The following SZT2 variants were observed in gnomAD, a reference collection of about 807,000 sequenced individuals.
SZT2 encodes the protein KICSTOR complex protein SZT2.
Under a neutral mutation model 404.2 loss-of-function variants are expected in SZT2, and 216 were observed. That is an observed-to-expected ratio of 0.53 (90% CI 0.48 to 0.60). SZT2 has a LOEUF of 0.60. Among genes scored for constraint, SZT2 ranks in the 20% least tolerant of loss-of-function variants. The pLI is 0.00. For synonymous variants in SZT2, 1,693 were observed against 1,749.9 expected, an observed-to-expected ratio of 0.97 and a Z score of 0.81; for missense variants, 3,857 against 4,459.2, an observed-to-expected ratio of 0.86 and a Z score of 3.85.
At chr1:43,436,150 C>T (rs1177796359) in intron 42 of SZT2, 1 of 152,214 alleles carries the variant, frequency 6.6e-6, no homozygotes, top group Non-Finnish European at 1.5e-5. Flanking sequence ...AGAGGAAAAG[C>T]TGAACCATAA....
At position 43,453,345 on chromosome 1, in the gene SZT2, G is replaced by T; in HGVS notation, c.*2865G>T. The T allele has an allele frequency of 7.5e-7, 1 of 1,329,392 alleles. No individual in the cohort carries two copies. The highest frequency in any genetic ancestry group is 1.0e-6 in the Non-Finnish European group (1 of 961,078). 82.3% of individuals were successfully genotyped at this position (1,329,392 alleles called of 1,614,324 possible). A position where few individuals can be genotyped will look rare whatever the true frequency, so the allele number is the denominator to read the frequency against. Reference sequence around the variant, plus strand: ...CTCGACTCCCTGAACCTGCATCAGGGTCATGGGTCACAGGGGTGGGGGTGG... The same window carrying T: ...CTCGACTCCCTGAACCTGCATCAGGTTCATGGGTCACAGGGGTGGGGGTGG... On this transcript the variant is annotated 3_prime_UTR_variant, in exon 72 of 72. Coordinates refer to ENST00000634258, the MANE Select transcript of SZT2 (RefSeq NM_001365999.1).
chr1:43,437,930 T>C lies in SZT2; in HGVS notation c.6508+28T>C. ...AAGGTCTGAGGAGGGGGTAGGGGAG[T>C]CGCCACATGAGGTTCCAGAATCCTC... On this transcript the variant is annotated intron_variant, in intron 46 of 71. Transcript: ENST00000634258. The surrounding 1 kb of genome is among the most constrained non-coding windows in gnomAD (Gnocchi z 5.3). 1 of 1,608,720 alleles carries C rather than the reference T, an allele frequency of 6.2e-7. No individual in the cohort carries two copies. Among genetic ancestry groups the C allele is most frequent in the Non-Finnish European group, 8.5e-7 (1 of 1,175,824 alleles).
At chr1:43,432,859 A>G in intron 39 of SZT2, 60 bp downstream of exon 39, 1 of 1,603,690 alleles carries the variant, frequency 6.2e-7, no homozygotes, top group South Asian at 1.1e-5. Context: ...TTAGGGCTGT[A>G]CTGGGAAAGG....
chr1:43,425,779 C>G lies in SZT2; in HGVS notation c.2815-56C>G. On this transcript the variant is annotated intron_variant, in intron 19 of 71. Coordinates refer to ENST00000634258, the MANE Select transcript of SZT2 (RefSeq NM_001365999.1). This position sits in a 1 kb window ranked among gnomAD's most constrained non-coding sequence, Gnocchi z 4.3. ...TGAAGCTTCCTGAAGAGCTGGAACC[C>G]AGGGTATCCTGGGCTAAGAGGGGTT... is the stretch of plus-strand genomic sequence containing the variant. 1 of 1,597,422 alleles carries G rather than the reference C, an allele frequency of 6.3e-7. No individual in the cohort carries two copies. Among genetic ancestry groups the G allele is most frequent in the Non-Finnish European group, 8.6e-7 (1 of 1,166,808 alleles).
rs368105939 is a variant in SZT2 at position 43,427,510 on chromosome 1, G to A, written c.3599-20G>A. On this transcript the variant is annotated intron_variant, in intron 25 of 71. Coordinates refer to ENST00000634258, the MANE Select transcript of SZT2 (RefSeq NM_001365999.1). ...GAAACAGATAGAGCTGGAAGACCAC[G>A]TGACACCTTTTCTTCACAGACAATG... 17 of 1,613,984 alleles carry A rather than the reference G, an allele frequency of 1.1e-5. No homozygotes were observed. The highest frequency in any genetic ancestry group is 4.5e-5 in the East Asian group (2 of 44,894).
intron 35 of SZT2, 41 bp downstream of exon 35, chr1:43,431,564 C>T (rs989931582): frequency 1.2e-6 from 2 of 1,612,476 alleles, no homozygotes; most frequent in Non-Finnish European, 1.7e-6. Context: ...ATTCCCTTTC[C>T]ATCGTATGAG....
Position 43,450,258 on chromosome 1 carries a change from C to T in SZT2, c.10156-79C>T, listed in dbSNP as rs1656231631. 13 of 1,613,462 alleles carry T rather than the reference C, an allele frequency of 8.1e-6. No homozygotes were observed. In the East Asian group the frequency reaches 2.7e-4, roughly 33 times the overall value. ...CTCGGAGCCTGCTGAGGTTGGGGTG[C>T]CCACCCTTTCTGAGCCCTGCCTCCT... On this transcript the variant is annotated intron_variant, in intron 71 of 71. Transcript: ENST00000634258. This position sits in a 1 kb window ranked among gnomAD's most constrained non-coding sequence, Gnocchi z 4.3.
chr1:43,426,159 A>G lies in SZT2; in HGVS notation c.3043+8A>G. Reference sequence around the variant, plus strand: ...TCCTCTTGCTTGCCAGAGGTAGGTGAACCTGGTACCCTTTCACCCCACACC... The same window carrying G: ...TCCTCTTGCTTGCCAGAGGTAGGTGGACCTGGTACCCTTTCACCCCACACC... On this transcript the variant is annotated splice_region_variant and intron_variant, in intron 21 of 71. Coordinates refer to ENST00000634258, the MANE Select transcript of SZT2 (RefSeq NM_001365999.1). The surrounding 1 kb of genome is among the most constrained non-coding windows in gnomAD (Gnocchi z 4.9). The G allele has an allele frequency of 6.2e-7, 1 of 1,613,658 alleles. No individual in the cohort carries two copies. The highest frequency in any genetic ancestry group is 8.5e-7 in the Non-Finnish European group (1 of 1,179,682).
chr1:43,420,009 G>C lies in SZT2; in HGVS notation c.1090+65G>C. On this transcript the variant is annotated intron_variant, in intron 8 of 71. Transcript: ENST00000634258. The surrounding 1 kb of genome is among the most constrained non-coding windows in gnomAD (Gnocchi z 5.1). ...ATAGAATGGGCCCAGAGATGATGGG[G>C]CCCTGGAGGACTGAAAGTGTAACTG... 6.3e-7 allele frequency: 1 copy of C among 1,578,560 alleles called. No homozygotes were observed. The highest frequency in any genetic ancestry group is 8.6e-7 in the Non-Finnish European group (1 of 1,164,596).
intron 10 of SZT2, 70 bp downstream of exon 10, chr1:43,421,053 G>T (rs1652298076): frequency 6.3e-7 from 1 of 1,593,552 alleles, no homozygotes; most frequent in African/African-American, 1.3e-5. Flanking sequence ...GCAAAGGCGG[G>T]AGCTGGGGAG....
intron 7 of SZT2, among the ~76,000 whole-genome samples, chr1:43,418,178 C>T (rs1651922919): frequency 6.6e-6 from 1 of 152,060 alleles, no homozygotes; most frequent in South Asian, 2.1e-4. Context: ...AGAAATTTGG[C>T]TGTTGAGATA....
At position 43,439,828 on chromosome 1, in the gene SZT2, G is replaced by T; in HGVS notation, c.7043-53G>T. 6.4e-7 allele frequency: 1 copy of T among 1,562,526 alleles called. No homozygotes were observed. Among genetic ancestry groups the T allele is most frequent in the Non-Finnish European group, 8.7e-7 (1 of 1,152,574 alleles). On this transcript the variant is annotated intron_variant, in intron 50 of 71. Coordinates refer to ENST00000634258, the MANE Select transcript of SZT2 (RefSeq NM_001365999.1). This position sits in a 1 kb window ranked among gnomAD's most constrained non-coding sequence, Gnocchi z 4.2. ...GTTATTGCTGTGGGAGGTAAGGGTG[G>T]TGAGTAGAGTGGGATCTAGGGACAC...
chr1:43,433,067 G>A lies in SZT2; in HGVS notation c.5681G>A (p.Arg1894Gln), dbSNP rs144742948. ...GGTGAGAAGGCCCCCTTCACATTGC[G>A]GACTCCACCTGGGCCAGCACCTCCA... ...TLGEKAPFTLRTPPGPAPPQP... is the reference protein window; with the variant it reads ...TLGEKAPFTLQTPPGPAPPQP... Residue 1894 changes from arginine to glutamine, a missense_variant, in exon 40 of 72, where the codon CGG becomes CAG. This residue lies in a region of SZT2 where 1,725 missense variants were observed against 1,881.0 expected (regional missense o/e 0.92). Transcript: ENST00000634258. The A allele has an allele frequency of 9.9e-6, 16 of 1,614,004 alleles. No homozygotes were observed. The highest frequency in any genetic ancestry group is 2.7e-5 in the African/African-American group (2 of 74,896).
Position 43,422,538 on chromosome 1 carries a change from T to A in SZT2, c.1828T>A (p.Cys610Ser), listed in dbSNP as rs759656284. The change falls in exon 13 of 72, where the codon TGC becomes AGC. Residue 610 changes from cysteine to serine, a missense_variant. By Grantham distance (112) the Cys-to-Ser change is moderately radical. Transcript: ENST00000634258. Reference protein sequence around the residue: ...GSNGRYSTIQCRISHSSLTSL... With the variant: ...GSNGRYSTIQSRISHSSLTSL... Reference sequence around the variant, plus strand: ...CAATGGGCGCTACAGCACTATCCAGTGCAGGATCTCCCACTCCTCCCTGAC... The same window carrying A: ...CAATGGGCGCTACAGCACTATCCAGAGCAGGATCTCCCACTCCTCCCTGAC... 3.1e-6 allele frequency: 5 copies of A among 1,598,164 alleles called. No homozygotes were observed. Among genetic ancestry groups the A allele is most frequent in the Non-Finnish European group, 4.2e-6 (5 of 1,179,684 alleles).
At chr1:43,403,052 C>T (rs1570562898) in intron 1 of SZT2, 125 bp from the exon 2 acceptor site, 2 of 1,046,018 alleles carry the variant, frequency 1.9e-6, no homozygotes, top group Non-Finnish European at 2.8e-6. Flanking sequence ...GTAAACTTTT[C>T]ACTTCTGCTG....
chr1:43,403,806 A>G (rs1285825461), intron 3 of SZT2, 32 bp downstream of exon 3: 2 of 1,607,776 alleles, frequency 1.2e-6, no homozygotes, highest in East Asian at 4.5e-5. Flanking sequence ...GTGGGAAGAA[A>G]GGATGGGGTG....
intron 40 of SZT2, among the ~76,000 whole-genome samples, chr1:43,433,579 C>T (rs920295879): frequency 2.6e-5 from 4 of 152,118 alleles, no homozygotes; most frequent in African/African-American, 7.2e-5. Flanking sequence ...GTTAGGAGTT[C>T]GATACCAGCC....
chr1:43,415,062 C>T lies in SZT2; in HGVS notation c.499-20C>T, dbSNP rs1431754399. The T allele has an allele frequency of 1.3e-6, 2 of 1,596,354 alleles. No homozygotes were observed. Among genetic ancestry groups the T allele is most frequent in the East Asian group, 2.2e-5 (1 of 44,848 alleles). On this transcript the variant is annotated intron_variant, in intron 4 of 71. Coordinates refer to ENST00000634258, the MANE Select transcript of SZT2 (RefSeq NM_001365999.1). Reference sequence around the variant, plus strand: ...GCCACCCTGACCGTCCTGTCTCAGTCTTTCCCATGTGCTTCTTAGGTGCTG... The same window carrying T: ...GCCACCCTGACCGTCCTGTCTCAGTTTTTCCCATGTGCTTCTTAGGTGCTG...
rs752683176 is a variant in SZT2 at position 43,389,934 on chromosome 1, C to T, written c.-35C>T. 18 of 1,489,142 alleles carry T rather than the reference C, an allele frequency of 1.2e-5. No homozygotes were observed. Among genetic ancestry groups the T allele is most frequent in the Non-Finnish European group, 1.6e-5 (18 of 1,119,658 alleles). 92.2% of individuals were successfully genotyped at this position (1,489,142 alleles called of 1,614,324 possible). A position where few individuals can be genotyped will look rare whatever the true frequency, so the allele number is the denominator to read the frequency against. On this transcript the variant is annotated 5_prime_UTR_variant, in exon 1 of 72. Coordinates refer to ENST00000634258, the MANE Select transcript of SZT2 (RefSeq NM_001365999.1). ...GGTCAGGGGTCAAGAGTGGAACACC[C>T]TCACTGGCCCGGGCCGGCGCGGGAG...
Sources: gnomAD v4.1 joint callset for allele counts (sites outside exome capture counted in the v4.1 genomes callset) on GRCh38, gnomAD v4.1.1 for gene constraint, gnomAD v4.1.1 regional missense constraint, Gnocchi (gnomAD v3.1) non-coding constraint, MANE v1.5 for transcripts, NCBI Gene and HGNC (gene_info 2026-07-23, HGNC 2026-07-21) for gene names.